The following CHST11 variants were observed in gnomAD, a reference collection of about 807,000 sequenced individuals.
CHST11 encodes carbohydrate sulfotransferase 11.
In CHST11, 9 loss-of-function variants were observed where a neutral mutation model predicts 30.4. That is an observed-to-expected ratio of 0.30 (90% CI 0.18 to 0.52). The LOEUF is 0.52. CHST11 is among the 20% of genes least tolerant of loss of function. CHST11 has a pLI of 0.97. For missense variants in CHST11, 348 were observed against 460.6 expected (o/e 0.76, Z 2.24); for synonymous variants, 152 against 187.8 (o/e 0.81, Z 1.56).
intron 2 of CHST11, among the ~76,000 whole-genome samples, chr12:104,746,213 T>C (rs2040388047): frequency 6.6e-6 from 1 of 152,208 alleles, no homozygotes; most frequent in Non-Finnish European, 1.5e-5. Flanking sequence ...TTCATTCCCA[T>C]TCAAGGTGCC....
intron 1 of CHST11, among the ~76,000 whole-genome samples, chr12:104,490,411 A>G (rs1049832438): frequency 1.3e-5 from 2 of 152,178 alleles, no homozygotes; most frequent in African/African-American, 2.4e-5. Context: ...GTATTACCCA[A>G]CTGCACCAAT....
intron 1 of CHST11, among the ~76,000 whole-genome samples, chr12:104,526,086 A>C (rs893436810): frequency 3.9e-5 from 6 of 152,240 alleles, no homozygotes; most frequent in Admixed American, 6.5e-5. Flanking sequence ...AATTTCAACA[A>C]ATCAGAAAGG....
intron 1 of CHST11, among the ~76,000 whole-genome samples, chr12:104,514,764 T>C (rs2038005214): frequency 6.6e-6 from 1 of 152,132 alleles, no homozygotes; most frequent in Non-Finnish European, 1.5e-5. Context: ...GAGCGACAAG[T>C]CACTCGTTAC....
chr12:104,670,637 G>A (rs79488812), intron 2 of CHST11, among the ~76,000 whole-genome samples: 10,773 of 144,368 alleles, frequency 0.075, 663 homozygotes, highest in East Asian at 0.31. Context: ...TCACACTCAT[G>A]CACACTCTCC....
At chr12:104,540,102 G>A (rs541145623) in intron 1 of CHST11, among the ~76,000 whole-genome samples, 2 of 152,310 alleles carry the variant, frequency 1.3e-5, no homozygotes, top group Admixed American at 1.3e-4. Context: ...ACTCAGTGTA[G>A]CACTGGTTGT....
chr12:104,467,032 C>CTCT (rs2037466509), intron 1 of CHST11, among the ~76,000 whole-genome samples: 1 of 152,136 alleles, frequency 6.6e-6, no homozygotes, highest in African/African-American at 2.4e-5. Flanking sequence ...TGGCTGGGAT[C>CTCT]TCTTTAGGCC....
rs1203892763 is a variant in CHST11 at position 104,759,315 on chromosome 12, C to G, written c.*1512C>G. 2.0e-5 allele frequency: 3 copies of G among 152,182 alleles called. No homozygotes were observed. The highest frequency in any genetic ancestry group is 2.0e-4 in the Admixed American group (3 of 15,276). 9.4% of individuals were successfully genotyped at this position (152,182 alleles called of 1,614,324 possible). On this transcript the variant is annotated 3_prime_UTR_variant, in exon 3 of 3. Transcript: ENST00000303694. ...TGGAAGCCTGGAAACTTTTCATTTC[C>G]TGTTCCTTGCTAATTAACATCTAAA...
chr12:104,486,746 G>T (rs193259474), intron 1 of CHST11, among the ~76,000 whole-genome samples: 2 of 152,166 alleles, frequency 1.3e-5, no homozygotes, highest in African/African-American at 2.4e-5. Context: ...CCCCTGAGCC[G>T]ACTGAAGGGG....
At chr12:104,545,835 C>CTCTT (rs74779205) in intron 1 of CHST11, among the ~76,000 whole-genome samples, 2 of 151,084 alleles carry the variant, frequency 1.3e-5, no homozygotes, top group East Asian at 3.9e-4. Context: ...CTCTGTCTCT[C>CTCTT]TTTTTTTAAA....
intron 2 of CHST11, among the ~76,000 whole-genome samples, chr12:104,627,500 C>G (rs71468220): frequency 0.059 from 9,005 of 152,228 alleles, 309 homozygotes; most frequent in Middle Eastern, 0.088. Flanking sequence ...CGCATACTCT[C>G]CCCAGAGTCA....
chr12:104,499,327 C>A (rs575245746), intron 1 of CHST11, among the ~76,000 whole-genome samples: 1 of 152,206 alleles, frequency 6.6e-6, no homozygotes, highest in African/African-American at 2.4e-5. Flanking sequence ...CCAGTGGGGC[C>A]CCAGAAGCTC....
intron 1 of CHST11, among the ~76,000 whole-genome samples, chr12:104,569,691 A>G (rs762723060): frequency 1.3e-5 from 2 of 152,178 alleles, no homozygotes; most frequent in Non-Finnish European, 2.9e-5. Context: ...CAGGGTTTTC[A>G]GGCTGCACCT....
At chr12:104,639,995 G>A (rs972621072) in intron 2 of CHST11, among the ~76,000 whole-genome samples, 10 of 152,300 alleles carry the variant, frequency 6.6e-5, no homozygotes, top group East Asian at 3.9e-4. Flanking sequence ...ATCATATGTC[G>A]TTAGGGAATT....
chr12:104,646,558 C>A (rs2039433547), intron 2 of CHST11, among the ~76,000 whole-genome samples: 1 of 152,142 alleles, frequency 6.6e-6, no homozygotes, highest in South Asian at 2.1e-4. Context: ...ACGGTGAAAC[C>A]TCACCTCTAC....
chr12:104,618,110 C>T (rs1183996662), intron 2 of CHST11, among the ~76,000 whole-genome samples: 3 of 151,688 alleles, frequency 2.0e-5, no homozygotes, highest in East Asian at 1.9e-4. Flanking sequence ...GTTTTCACCA[C>T]GTTGGCCAGG....
intron 1 of CHST11, among the ~76,000 whole-genome samples, chr12:104,494,715 C>T (rs1422212914): frequency 6.6e-6 from 1 of 152,110 alleles, no homozygotes; most frequent in African/African-American, 2.4e-5. Flanking sequence ...CTGATTGACT[C>T]GGAGGCATCT....
intron 1 of CHST11, among the ~76,000 whole-genome samples, chr12:104,466,152 G>A (rs932112351): frequency 6.6e-6 from 1 of 152,130 alleles, no homozygotes; most frequent in African/African-American, 2.4e-5. Flanking sequence ...AAGCCACCGT[G>A]TCCAGCACCA....
chr12:104,638,051 C>A (rs2039342393), intron 2 of CHST11, among the ~76,000 whole-genome samples: 1 of 152,164 alleles, frequency 6.6e-6, no homozygotes. Flanking sequence ...CAAGGAGGCA[C>A]AAGCACCAGG....
rs577774071 is a variant in CHST11, at chr12:104,541,258, G to T, written c.119-60648G>T. Among the ~76,000 whole-genome samples the T allele has an allele frequency of 8.0e-4, 122 of 152,318 alleles. 1 individual carries two copies. The highest frequency in any genetic ancestry group is 4.6e-3 in the Admixed American group (70 of 15,294). On this transcript the variant is annotated intron_variant, in intron 1 of 2. Coordinates refer to ENST00000303694, the MANE Select transcript of CHST11 (RefSeq NM_018413.6). ...CTGGAGATGCAAAAATCCTTGAGGTGACCTCCACAGAGTGATGTAAACCTA... is the reference window on the plus strand; with the variant it reads ...CTGGAGATGCAAAAATCCTTGAGGTTACCTCCACAGAGTGATGTAAACCTA...
Sources: gnomAD v4.1 joint callset for allele counts (sites outside exome capture counted in the v4.1 genomes callset) on GRCh38, gnomAD v4.1.1 for gene constraint, MANE v1.5 for transcripts, NCBI Gene and HGNC (gene_info 2026-07-23, HGNC 2026-07-21) for gene names.